C12orf42: variants seen among roughly 807,000 people sequenced by gnomAD.
C12orf42 encodes the protein chromosome 12 open reading frame 42.
C12orf42 carries 25 observed loss-of-function variants against 21.6 expected under a neutral mutation model. That is an observed-to-expected ratio of 1.16 (90% CI 0.84 to 1.62). The LOEUF (loss-of-function observed/expected upper bound fraction) is 1.62. Ranked by LOEUF, C12orf42 falls within the 40% of genes most tolerant of loss-of-function variation. The pLI is 0.00. For synonymous variants in C12orf42, 174 were observed against 175.0 expected (o/e 0.99, Z 0.05); for missense variants, 483 against 459.3 (o/e 1.05, Z -0.47).
chr12:103,406,742 C>G (rs1005441875), intron 2 of C12orf42, among the ~76,000 whole-genome samples: 3 of 152,126 alleles, frequency 2.0e-5, no homozygotes, highest in Non-Finnish European at 2.9e-5. Flanking sequence ...AGGGGAGCTC[C>G]TCTCCCAGAC....
At chr12:103,480,842 G>A (rs1954416247) in intron 1 of C12orf42, among the ~76,000 whole-genome samples, 1 of 151,400 alleles carries the variant, frequency 6.6e-6, no homozygotes, top group Non-Finnish European at 1.5e-5. Context: ...TTTCATATGT[G>A]CTTAGATTCA....
the C12orf42 span, among the ~76,000 whole-genome samples, chr12:103,523,959 G>C: frequency 1.6e-3 from 242 of 152,132 alleles, no homozygotes; most frequent in African/African-American, 5.6e-3. Context: ...AGGCATGTTG[G>C]GGACATGTGG....
chr12:103,274,495 A>G (rs1015061666), intron 5 of C12orf42, among the ~76,000 whole-genome samples: 6 of 152,188 alleles, frequency 3.9e-5, no homozygotes, highest in Non-Finnish European at 8.8e-5. Flanking sequence ...TTCTCAGTCT[A>G]TAGAGCTAGA....
chr12:103,182,465 G>T, the C12orf42 span, among the ~76,000 whole-genome samples: 1 of 152,272 alleles, frequency 6.6e-6, no homozygotes, highest in African/African-American at 2.4e-5. Flanking sequence ...GAATGGTAAG[G>T]TCAAGAGAAC....
At chr12:103,083,682 A>G in the C12orf42 span, among the ~76,000 whole-genome samples, 1 of 152,230 alleles carries the variant, frequency 6.6e-6, no homozygotes, top group Non-Finnish European at 1.5e-5. Context: ...TGAAACTTCT[A>G]CCTACCAAAA....
the C12orf42 span, among the ~76,000 whole-genome samples, chr12:103,520,501 C>A: frequency 6.6e-6 from 1 of 151,968 alleles, no homozygotes; most frequent in Non-Finnish European, 1.5e-5. Flanking sequence ...CCAGCCTGGG[C>A]AACATAATAA....
chr12:103,112,671 A>G, the C12orf42 span, among the ~76,000 whole-genome samples: 1 of 152,110 alleles, frequency 6.6e-6, no homozygotes, highest in African/African-American at 2.4e-5. Context: ...AAAAACAATA[A>G]TAATAAAATA....
intron 3 of C12orf42, among the ~76,000 whole-genome samples, chr12:103,400,415 G>A (rs1211251759): frequency 6.6e-6 from 1 of 152,196 alleles, no homozygotes; most frequent in Non-Finnish European, 1.5e-5. Context: ...TTGTGGAATA[G>A]TAGTAACAAA....
intron 2 of C12orf42, among the ~76,000 whole-genome samples, chr12:103,428,018 A>G (rs1203679817): frequency 6.6e-6 from 1 of 152,218 alleles, no homozygotes; most frequent in Non-Finnish European, 1.5e-5. Context: ...CACAGGAGAA[A>G]GCAGGAAAGA....
At chr12:103,138,723 C>A in the C12orf42 span, among the ~76,000 whole-genome samples, 1 of 152,204 alleles carries the variant, frequency 6.6e-6, no homozygotes. Flanking sequence ...CCTGGCACAC[C>A]CCTGGAGCCA....
At chr12:103,256,085 A>AATATATAT (rs1565998064) in intron 10 of C12orf42, among the ~76,000 whole-genome samples, 26 of 58,922 alleles carry the variant, frequency 4.4e-4, no homozygotes, top group African/African-American at 1.2e-3. Flanking sequence ...AAAAAAAAAA[A>AATATATAT]ATATATATAT....
intron 3 of C12orf42, among the ~76,000 whole-genome samples, chr12:103,372,531 T>C (rs1012376128): frequency 6.6e-6 from 1 of 152,186 alleles, no homozygotes; most frequent in African/African-American, 2.4e-5. Flanking sequence ...TTGTTAGTTA[T>C]GAAGATTCTC....
intron 3 of C12orf42, among the ~76,000 whole-genome samples, chr12:103,375,077 G>A (rs1408215526): frequency 6.6e-6 from 1 of 152,188 alleles, no homozygotes. Context: ...ATGAGCTGAA[G>A]TGACTCTCTC....
chr12:103,096,459 T>A, the C12orf42 span, among the ~76,000 whole-genome samples: 2 of 152,090 alleles, frequency 1.3e-5, no homozygotes, highest in Non-Finnish European at 2.9e-5. Flanking sequence ...TGTGAAAAAA[T>A]TTTTGAGTCC....
intron 4 of C12orf42, 131 bp from the exon 5 acceptor site, chr12:103,306,476 T>C: frequency 9.2e-7 from 1 of 1,082,930 alleles, no homozygotes; most frequent in Middle Eastern, 3.0e-4. Flanking sequence ...TAAACAAAAA[T>C]GACAGACTAG....
chr12:103,546,857 G>C, the C12orf42 span, among the ~76,000 whole-genome samples: 8 of 152,294 alleles, frequency 5.3e-5, no homozygotes, highest in African/African-American at 1.7e-4. Context: ...CTTATGCCCA[G>C]AGAAAAGGAA....
chr12:103,058,302 C>T, the C12orf42 span, among the ~76,000 whole-genome samples: 3 of 152,066 alleles, frequency 2.0e-5, no homozygotes, highest in East Asian at 1.9e-4. Context: ...TCTTCCTTTG[C>T]CCACTTTTTA....
At chr12:103,488,193 T>C (rs1954964034) in intron 1 of C12orf42, among the ~76,000 whole-genome samples, 3 of 152,226 alleles carry the variant, frequency 2.0e-5, no homozygotes, top group Non-Finnish European at 4.4e-5. Context: ...TGTAAAGGAT[T>C]TTATTTCTCC....
upstream of C12orf42, among the ~76,000 whole-genome samples, chr12:103,499,825 T>A (rs1465919059): frequency 6.6e-6 from 1 of 152,204 alleles, no homozygotes; most frequent in Non-Finnish European, 1.5e-5. Flanking sequence ...CTTTGAACTT[T>A]ATCAGACATA....
Sources: gnomAD v4.1 joint callset for allele counts (sites outside exome capture counted in the v4.1 genomes callset) on GRCh38, gnomAD v4.1.1 for gene constraint, MANE v1.5 for transcripts, NCBI Gene and HGNC (gene_info 2026-07-23, HGNC 2026-07-21) for gene names.